R3HDM1: variants seen among roughly 807,000 people sequenced by gnomAD.
The protein encoded by R3HDM1 is R3H domain-containing protein 1.
Under a neutral mutation model 141.1 loss-of-function variants are expected in R3HDM1, and 46 were observed. The ratio of observed to expected loss-of-function variants is 0.33; its 90% CI spans 0.26 to 0.42. The LOEUF (loss-of-function observed/expected upper bound fraction) is 0.42, where lower values mean the gene tolerates loss of function less well. R3HDM1 is among the 10% of genes least tolerant of loss of function. R3HDM1 has a pLI of 1.00. For synonymous variants in R3HDM1, 435 were observed against 472.9 expected (o/e 0.92, Z 1.04); for missense variants, 1,184 against 1,368.3 (o/e 0.87, Z 2.12).
intron 18 of R3HDM1, among the ~76,000 whole-genome samples, chr2:135,654,997 G>T (rs779562746): frequency 6.6e-6 from 1 of 151,850 alleles, no homozygotes; most frequent in Non-Finnish European, 1.5e-5. Flanking sequence ...CACTCATTCT[G>T]TAAAATTGTC....
intron 19 of R3HDM1, among the ~76,000 whole-genome samples, chr2:135,674,125 G>A (rs1033079741): frequency 2.0e-5 from 3 of 152,096 alleles, no homozygotes; most frequent in Admixed American, 6.6e-5. Flanking sequence ...GATATACCTT[G>A]TGGTTATATT....
At chr2:135,649,498 T>C (rs76568625) in intron 16 of R3HDM1, among the ~76,000 whole-genome samples, 10,986 of 152,178 alleles carry the variant, frequency 0.072, 816 homozygotes, top group African/African-American at 0.19. Context: ...TCATTTATAA[T>C]TTAGTGTTAT....
intron 21 of R3HDM1, among the ~76,000 whole-genome samples, chr2:135,704,477 C>CTTT (rs35704564): frequency 7.6e-6 from 1 of 131,360 alleles, no homozygotes; most frequent in East Asian, 2.2e-4. Flanking sequence ...TGCATGCATG[C>CTTT]TTTTTTTTTT....
rs77034771 is a variant in R3HDM1 at position 135,605,128 on chromosome 2, G to A, written c.171+112G>A. ...TTCTAAAAGGGTAAGTTGACCCTTC[G>A]TGACATGCTTACTAGCTGGTTTTGG... On this transcript the variant is annotated intron_variant, in intron 3 of 26. Transcript: ENST00000683871. 8.1e-4 allele frequency: 743 copies of A among 915,878 alleles called. 5 individuals are homozygous for A. The African/African-American group carries it at 9.9e-3, about 12-fold the overall frequency. 56.7% of individuals were successfully genotyped at this position (915,878 alleles called of 1,614,324 possible).
At chr2:135,708,268 A>C (rs1166433499) in intron 21 of R3HDM1, among the ~76,000 whole-genome samples, 1 of 152,148 alleles carries the variant, frequency 6.6e-6, no homozygotes, top group Non-Finnish European at 1.5e-5. Flanking sequence ...ATATCCAGTT[A>C]ATATTTGTAT....
chr2:135,542,139 T>C (rs569559802), intron 1 of R3HDM1, among the ~76,000 whole-genome samples: 1 of 152,328 alleles, frequency 6.6e-6, no homozygotes, highest in South Asian at 2.1e-4. Flanking sequence ...TAAGTTCAGG[T>C]GTGGAATTTT....
At chr2:135,672,001 C>G (rs1334788643) in intron 19 of R3HDM1, among the ~76,000 whole-genome samples, 1 of 151,646 alleles carries the variant, frequency 6.6e-6, no homozygotes, top group Non-Finnish European at 1.5e-5. Flanking sequence ...ATACGCAAAC[C>G]ATGAGAGAAC....
chr2:135,621,831 G>A (rs1173908846), intron 6 of R3HDM1: 23 of 982,238 alleles, frequency 2.3e-5, no homozygotes, highest in Non-Finnish European at 2.8e-5. Context: ...AGACGTTGAG[G>A]ACATCTTAAT....
intron 1 of R3HDM1, among the ~76,000 whole-genome samples, chr2:135,586,000 A>G (rs1258403548): frequency 6.6e-6 from 1 of 152,222 alleles, no homozygotes; most frequent in Non-Finnish European, 1.5e-5. Context: ...TAAAAGTGTC[A>G]AAGAGAGTAA....
chr2:135,566,997 C>T (rs1370866763), intron 1 of R3HDM1, among the ~76,000 whole-genome samples: 2 of 151,708 alleles, frequency 1.3e-5, no homozygotes, highest in Non-Finnish European at 2.9e-5. Flanking sequence ...AAAAGTAGAC[C>T]CCAGCGAGAT....
chr2:135,698,228 C>G (rs1173802537), intron 21 of R3HDM1, among the ~76,000 whole-genome samples: 1 of 148,368 alleles, frequency 6.7e-6, no homozygotes, highest in African/African-American at 2.5e-5. Context: ...GGTGCGATGT[C>G]GGCTCAGTAC....
intron 4 of R3HDM1, 101 bp from the exon 5 acceptor site, chr2:135,616,567 T>TG: frequency 1.0e-6 from 1 of 953,006 alleles, no homozygotes; most frequent in Non-Finnish European, 1.6e-6. Context: ...CTGTTATACA[T>TG]GGCAGAAACT....
intron 1 of R3HDM1, among the ~76,000 whole-genome samples, chr2:135,572,429 A>C (rs1032662710): frequency 6.6e-6 from 1 of 152,242 alleles, no homozygotes; most frequent in Non-Finnish European, 1.5e-5. Context: ...AGGATACTCA[A>C]CATTTTAGCC....
intron 1 of R3HDM1, among the ~76,000 whole-genome samples, chr2:135,538,519 G>A (rs1312684797): frequency 1.3e-5 from 2 of 151,916 alleles, no homozygotes; most frequent in East Asian, 1.9e-4. Context: ...CCCTTTTTTA[G>A]TAACAGCTTA....
chr2:135,649,255 CG>C (rs1232801116), intron 16 of R3HDM1: 1 of 151,840 alleles, frequency 6.6e-6, no homozygotes, highest in Non-Finnish European at 1.5e-5. Flanking sequence ...TTAGTAGAGA[CG>C]GGGTTTCACC....
chr2:135,623,229 AT>A (rs1275600744), intron 7 of R3HDM1, among the ~76,000 whole-genome samples: 1 of 152,148 alleles, frequency 6.6e-6, no homozygotes, highest in East Asian at 1.9e-4. Flanking sequence ...TAAATGAATA[AT>A]TTTTAACTTT....
intron 1 of R3HDM1, among the ~76,000 whole-genome samples, chr2:135,566,340 T>C (rs1702792585): frequency 6.6e-6 from 1 of 152,190 alleles, no homozygotes; most frequent in South Asian, 2.1e-4. Flanking sequence ...CTAGAATATA[T>C]GTAAAACTCT....
intron 1 of R3HDM1, among the ~76,000 whole-genome samples, chr2:135,582,066 A>G (rs1201968404): frequency 6.6e-6 from 1 of 152,136 alleles, no homozygotes; most frequent in East Asian, 1.9e-4. Context: ...CTGGGCTCAC[A>G]CCTGTAATCC....
At chr2:135,646,387 G>A (rs1363145299) in intron 16 of R3HDM1, among the ~76,000 whole-genome samples, 4 of 150,390 alleles carry the variant, frequency 2.7e-5, no homozygotes, top group Admixed American at 6.6e-5. Flanking sequence ...CACCCGCCTC[G>A]GCCTCCCAAA....
Sources: gnomAD v4.1 joint callset for allele counts (sites outside exome capture counted in the v4.1 genomes callset) on GRCh38, gnomAD v4.1.1 for gene constraint, MANE v1.5 for transcripts, NCBI Gene and HGNC (gene_info 2026-07-23, HGNC 2026-07-21) for gene names.